Variants in HMCN1 observed in about 807,000 individuals in gnomAD.
HMCN1 encodes the protein hemicentin 1.
In HMCN1, 321 loss-of-function variants were observed where a neutral mutation model predicts 625.9. That is an observed-to-expected ratio of 0.51 (90% CI 0.47 to 0.56). HMCN1 has a LOEUF of 0.56. HMCN1 is among the 20% of genes least tolerant of loss of function. The probability of loss-of-function intolerance (pLI) is 0.00; values close to 1 mark genes in which losing one functional copy is unlikely to be tolerated. For missense variants in HMCN1, 6,588 were observed against 6,887.3 expected (o/e 0.96, Z 1.54); for synonymous variants, 2,425 against 2,417.6 (o/e 1.00, Z -0.09).
chr1:186,071,909 G>C (rs1475346500), intron 52 of HMCN1, among the ~76,000 whole-genome samples: 1 of 151,950 alleles, frequency 6.6e-6, no homozygotes. Context: ...ATTCCTTATA[G>C]TTACCACATA....
chr1:185,805,609 T>C (rs1659118904), intron 1 of HMCN1, among the ~76,000 whole-genome samples: 1 of 152,194 alleles, frequency 6.6e-6, no homozygotes, highest in African/African-American at 2.4e-5. Context: ...TAGGCAAAGT[T>C]ACTTTAGAGA....
Position 186,112,814 on chromosome 1 carries a change from A to G in HMCN1, c.10992A>G (p.Ala3664=). ...ATTTCTTTACTTGCTGAATCCAGGC[A>G]ACACCTCGAGTGCGAATCCTATCTG... ...TWLRNGERLQ[A]TPRVRILSGG... The change falls in exon 72 of 107, where the codon GCA becomes GCG. Residue 3664 remains alanine, a splice_region_variant and synonymous_variant. Transcript: ENST00000271588. 1 of 1,614,158 alleles carries G rather than the reference A, an allele frequency of 6.2e-7. No individual in the cohort carries two copies.
intron 56 of HMCN1, among the ~76,000 whole-genome samples, chr1:186,081,893 A>G (rs1659189492): frequency 6.6e-6 from 1 of 152,184 alleles, no homozygotes; most frequent in Admixed American, 6.5e-5. Flanking sequence ...TAGAAATAAT[A>G]CCAATTCTTT....
rs1652267100 is a variant in HMCN1, at chr1:185,989,604, T to C, written c.3165T>C (p.Asn1055=). 6.2e-7 allele frequency: 1 copy of C among 1,613,974 alleles called. No individual in the cohort carries two copies. Among genetic ancestry groups the C allele is most frequent in the Non-Finnish European group, 8.5e-7 (1 of 1,179,960 alleles). ...GGGAGTATGTCTGCACTGCCACCAA[T>C]ACAGCCGGCTACGCCAAAAGGAAAG... ...ESGEYVCTAT[N]TAGYAKRKVQ... Residue 1055 remains asparagine, a synonymous_variant, in exon 21 of 107, where the codon AAT becomes AAC. Transcript: ENST00000271588.
intron 11 of HMCN1, among the ~76,000 whole-genome samples, chr1:185,954,383 A>G (rs2102540686): frequency 6.6e-6 from 1 of 152,302 alleles, no homozygotes; most frequent in Admixed American, 6.5e-5. Context: ...TTAACAGTAA[A>G]TATTAATCAA....
At chr1:185,862,855 A>G (rs1208018787) in intron 2 of HMCN1, among the ~76,000 whole-genome samples, 3 of 152,204 alleles carry the variant, frequency 2.0e-5, no homozygotes, top group Non-Finnish European at 4.4e-5. Flanking sequence ...CTAATATTTA[A>G]TGAGTCTCTC....
chr1:185,773,803 G>T (rs930633230), intron 1 of HMCN1, among the ~76,000 whole-genome samples: 2 of 152,116 alleles, frequency 1.3e-5, no homozygotes, highest in Admixed American at 1.3e-4. Context: ...TAGCAAAAAG[G>T]TTATGATTAG....
chr1:185,892,311 C>T (rs1665154914), intron 4 of HMCN1, among the ~76,000 whole-genome samples: 1 of 151,836 alleles, frequency 6.6e-6, no homozygotes, highest in African/African-American at 2.4e-5. Flanking sequence ...TCTCTCAGCT[C>T]ATCAAAGTCA....
Position 185,807,104 on chromosome 1 carries a change from T to TA in HMCN1, c.269-38915dup, listed in dbSNP as rs560283160. Among the ~76,000 whole-genome samples, 19 of 152,258 alleles carry TA rather than the reference T, an allele frequency of 1.2e-4. No homozygotes were observed. In the South Asian group the frequency reaches 3.1e-3, roughly 25 times the overall value. ...TCCCTGTGTGTTGAAGATTATAATA[T>TA]AAAAAAAGCAGTTTTCTGTTAAATA... is the stretch of plus-strand genomic sequence containing the variant. On this transcript the variant is annotated intron_variant, in intron 1 of 106. Transcript: ENST00000271588.
intron 52 of HMCN1, among the ~76,000 whole-genome samples, chr1:186,072,562 G>A (rs921939255): frequency 6.6e-6 from 1 of 152,118 alleles, no homozygotes; most frequent in African/African-American, 2.4e-5. Context: ...GGTGGGGCAG[G>A]TATCATGGAG....
At chr1:186,166,993 C>A (rs1651922714) in intron 100 of HMCN1, 51 bp downstream of exon 100, 12 of 1,611,036 alleles carry the variant, frequency 7.4e-6, no homozygotes, top group Non-Finnish European at 1.0e-5. Context: ...AGAATTAGAC[C>A]CACCTTTTGA....
chr1:186,052,907 T>G, intron 42 of HMCN1, 45 bp from the exon 43 acceptor site: 1 of 1,498,066 alleles, frequency 6.7e-7, no homozygotes, highest in African/African-American at 1.4e-5. Flanking sequence ...TTATGAGAAT[T>G]CTATATGAAA....
intron 1 of HMCN1, among the ~76,000 whole-genome samples, chr1:185,777,789 T>G (rs1347924803): frequency 6.6e-6 from 1 of 152,206 alleles, no homozygotes; most frequent in Non-Finnish European, 1.5e-5. Context: ...CATAGGCAGC[T>G]CTATTATCCT....
At chr1:185,846,131 T>A (rs1661799375) in intron 2 of HMCN1, 35 bp downstream of exon 2, 2 of 1,427,760 alleles carry the variant, frequency 1.4e-6, no homozygotes, top group African/African-American at 2.8e-5. Flanking sequence ...CTTGGGGGAA[T>A]GGAAAATCAT....
At chr1:186,162,282 C>T (rs1651549988) in intron 97 of HMCN1, among the ~76,000 whole-genome samples, 1 of 152,152 alleles carries the variant, frequency 6.6e-6, no homozygotes, top group Non-Finnish European at 1.5e-5. Context: ...CTCCTTTAAG[C>T]ATTTCTCTGT....
intron 24 of HMCN1, among the ~76,000 whole-genome samples, chr1:185,995,755 C>T (rs1010439720): frequency 6.6e-6 from 1 of 152,110 alleles, no homozygotes. Context: ...TCAAGCAGGA[C>T]TTCTCTGAGA....
chr1:186,154,885 A>G (rs1394664157), intron 97 of HMCN1, among the ~76,000 whole-genome samples: 1 of 152,180 alleles, frequency 6.6e-6, no homozygotes, highest in African/African-American at 2.4e-5. Context: ...CTTTTCAGTC[A>G]TAAGAGCCAC....
chr1:185,973,620 C>T (rs1302713749), intron 15 of HMCN1, among the ~76,000 whole-genome samples: 8 of 151,880 alleles, frequency 5.3e-5, no homozygotes, highest in East Asian at 3.9e-4. Context: ...CTATTTAATA[C>T]GATTTTTGAG....
chr1:186,133,144 C>G (rs1411517821), intron 86 of HMCN1, among the ~76,000 whole-genome samples: 1 of 152,074 alleles, frequency 6.6e-6, no homozygotes, highest in East Asian at 1.9e-4. Context: ...TACCATTTAA[C>G]CCAGCAATCC....
Sources: allele counts gnomAD v4.1 joint callset (sites outside exome capture counted in the v4.1 genomes callset), GRCh38; gene constraint gnomAD v4.1.1; transcripts MANE v1.5; gene names NCBI Gene and HGNC (gene_info 2026-07-23, HGNC 2026-07-21).